The following GRID2 variants were observed in gnomAD, a reference collection of about 807,000 sequenced individuals.
The protein encoded by GRID2 is glutamate ionotropic receptor delta type subunit 2, also known as glutamate receptor ionotropic, delta-2.
A neutral mutation model predicts 114.8 loss-of-function variants in GRID2; 33 were observed. The ratio of observed to expected loss-of-function variants is 0.29; its 90% CI spans 0.22 to 0.38. The LOEUF (loss-of-function observed/expected upper bound fraction) is 0.38. Among genes scored for constraint, GRID2 ranks in the 10% least tolerant of loss-of-function variants. The pLI is 1.00. For missense variants in GRID2, 1,184 were observed against 1,257.7 expected, an observed-to-expected ratio of 0.94 and a Z score of 0.89; for synonymous variants, 505 against 449.9, an observed-to-expected ratio of 1.12 and a Z score of -1.55.
chr4:92,761,256 AGTTT>A lies in GRID2; in HGVS notation c.244+170975_244+170978del, dbSNP rs766599798. Among the ~76,000 whole-genome samples, 166 of 151,880 alleles carry A rather than the reference AGTTT, an allele frequency of 1.1e-3. 1 individual carries two copies. Among genetic ancestry groups the A allele is most frequent in the Non-Finnish European group, 1.9e-3 (131 of 67,924 alleles). ...TATTATATATTACATATATTTCTCT[AGTTT>A]GTTTTAGAAGTTGTGATTAAGTCCT... is the stretch of plus-strand genomic sequence containing the variant. On this transcript the variant is annotated intron_variant, in intron 2 of 15. Coordinates refer to ENST00000282020, the MANE Select transcript of GRID2 (RefSeq NM_001510.4).
intron 8 of GRID2, among the ~76,000 whole-genome samples, chr4:93,240,285 G>T (rs1579393266): frequency 6.6e-6 from 1 of 151,482 alleles, no homozygotes; most frequent in East Asian, 1.9e-4. Flanking sequence ...TTCTAATCAA[G>T]TCTTGAATTT....
At chr4:92,931,957 C>T (rs1750273967) in intron 2 of GRID2, among the ~76,000 whole-genome samples, 1 of 151,068 alleles carries the variant, frequency 6.6e-6, no homozygotes, top group African/African-American at 2.4e-5. Context: ...TTATTTCACA[C>T]ATAAAATTAA....
intron 11 of GRID2, among the ~76,000 whole-genome samples, chr4:93,472,723 G>A (rs1373004325): frequency 3.3e-5 from 5 of 152,078 alleles, no homozygotes; most frequent in African/African-American, 1.2e-4. Context: ...AAAGAAAATC[G>A]ACTTTATGTT....
chr4:92,827,478 G>A (rs1388213917), intron 2 of GRID2, among the ~76,000 whole-genome samples: 1 of 150,246 alleles, frequency 6.7e-6, no homozygotes, highest in African/African-American at 2.4e-5. Flanking sequence ...AAACATTTAT[G>A]TGTTTAACAC....
intron 2 of GRID2, among the ~76,000 whole-genome samples, chr4:92,879,693 A>T (rs1745869437): frequency 6.6e-6 from 1 of 152,264 alleles, no homozygotes; most frequent in Admixed American, 6.5e-5. Context: ...TCATTTATTA[A>T]TTTAAAAATC....
At chr4:92,620,260 G>A (rs1466848447) in intron 2 of GRID2, among the ~76,000 whole-genome samples, 2 of 151,648 alleles carry the variant, frequency 1.3e-5, no homozygotes, top group African/African-American at 4.8e-5. Context: ...TGTGCTTCAG[G>A]GAAAAGAAAA....
At chr4:92,615,588 C>T (rs1385090642) in intron 2 of GRID2, among the ~76,000 whole-genome samples, 2 of 151,552 alleles carry the variant, frequency 1.3e-5, no homozygotes, top group Non-Finnish European at 3.0e-5. Flanking sequence ...ATGCCATTTA[C>T]TATAGGTGTT....
At chr4:92,344,404 C>A (rs1727662685) in intron 1 of GRID2, among the ~76,000 whole-genome samples, 1 of 152,162 alleles carries the variant, frequency 6.6e-6, no homozygotes, top group Non-Finnish European at 1.5e-5. Flanking sequence ...TGTATTGCAT[C>A]ATTATATTTC....
At chr4:93,307,118 T>A (rs567886615) in intron 8 of GRID2, among the ~76,000 whole-genome samples, 32 of 149,992 alleles carry the variant, frequency 2.1e-4, no homozygotes, top group African/African-American at 7.6e-4. Context: ...ATTGCTTGAA[T>A]GGGGACCCGG....
At chr4:92,990,248 GTGAT>G (rs1191807152) in intron 2 of GRID2, among the ~76,000 whole-genome samples, 3 of 101,378 alleles carry the variant, frequency 3.0e-5, no homozygotes, top group African/African-American at 1.1e-4. Flanking sequence ...GTGTGTGTGT[GTGAT>G]ATATGTATAT....
At chr4:92,870,060 G>T (rs960256148) in intron 2 of GRID2, among the ~76,000 whole-genome samples, 3 of 151,870 alleles carry the variant, frequency 2.0e-5, no homozygotes, top group Non-Finnish European at 4.4e-5. Flanking sequence ...AAATAGCCAG[G>T]CTTGGTGGTT....
intron 4 of GRID2, among the ~76,000 whole-genome samples, chr4:93,136,234 G>T (rs1004089600): frequency 2.8e-4 from 2 of 7,058 alleles, no homozygotes; most frequent in African/African-American, 3.7e-3. Context: ...AACAGTTATT[G>T]TGTGTGTGTG....
chr4:93,244,350 C>T (rs977149878), intron 8 of GRID2, among the ~76,000 whole-genome samples: 2 of 151,674 alleles, frequency 1.3e-5, no homozygotes, highest in African/African-American at 4.8e-5. Flanking sequence ...AGATATTTTA[C>T]CTCCTAGGTA....
chr4:93,350,270 C>T (rs183256093), intron 8 of GRID2, among the ~76,000 whole-genome samples: 51 of 152,202 alleles, frequency 3.4e-4, no homozygotes, highest in Middle Eastern at 3.4e-3. Context: ...CCAACATGCC[C>T]AGTTGCTTTT....
intron 8 of GRID2, among the ~76,000 whole-genome samples, chr4:93,289,413 C>T (rs1260844439): frequency 2.0e-5 from 3 of 152,106 alleles, no homozygotes; most frequent in Admixed American, 6.5e-5. Context: ...TGCATTAGGG[C>T]ATGTGGCAAA....
At chr4:93,082,495 A>T (rs964285007) in intron 2 of GRID2, among the ~76,000 whole-genome samples, 5 of 152,112 alleles carry the variant, frequency 3.3e-5, no homozygotes, top group Non-Finnish European at 5.9e-5. Context: ...CCCACTCTCT[A>T]TGAGAAACCT....
At chr4:93,583,097 G>A (rs571910203) in intron 13 of GRID2, among the ~76,000 whole-genome samples, 4 of 152,198 alleles carry the variant, frequency 2.6e-5, no homozygotes, top group East Asian at 3.9e-4. Context: ...CATCATGGTC[G>A]TCTCTACGTC....
chr4:92,477,817 A>G (rs1383446282), intron 1 of GRID2, among the ~76,000 whole-genome samples: 1 of 147,368 alleles, frequency 6.8e-6, no homozygotes, highest in African/African-American at 2.5e-5. Context: ...TAATATAATT[A>G]AAATAATATA....
chr4:93,524,779 GTA>G (rs1314051813), intron 13 of GRID2, among the ~76,000 whole-genome samples: 1 of 91,384 alleles, frequency 1.1e-5, no homozygotes, highest in African/African-American at 4.1e-5. Flanking sequence ...ATATATGTAT[GTA>G]TGTGTATATA....
Sources: allele counts gnomAD v4.1 joint callset (sites outside exome capture counted in the v4.1 genomes callset), GRCh38; gene constraint gnomAD v4.1.1; transcripts MANE v1.5; gene names NCBI Gene and HGNC (gene_info 2026-07-23, HGNC 2026-07-21).